The following ADAMTS18 variants were observed in gnomAD, a reference collection of about 807,000 sequenced individuals.
ADAMTS18 encodes A disintegrin and metalloproteinase with thrombospondin motifs 18.
Under a neutral mutation model 165.9 loss-of-function variants are expected in ADAMTS18, and 157 were observed. The observed-to-expected ratio is 0.95, with a 90% confidence interval of 0.83 to 1.08. The LOEUF (loss-of-function observed/expected upper bound fraction) is 1.08, where lower values mean the gene tolerates loss of function less well. Ranked by LOEUF, ADAMTS18 falls within the 50% of genes least tolerant of loss-of-function variation. The pLI is 0.00. For missense variants in ADAMTS18, 2,040 were observed against 1,534.0 expected (o/e 1.33, Z -5.51); for synonymous variants, 782 against 578.2 (o/e 1.35, Z -5.06).
chr16:77,324,117 G>A (rs567439316), intron 13 of ADAMTS18, among the ~76,000 whole-genome samples: 1 of 152,198 alleles, frequency 6.6e-6, no homozygotes, highest in East Asian at 1.9e-4. Context: ...AAGATGTAAT[G>A]TGATAAAGGC....
chr16:77,419,095 G>A (rs988902172), intron 3 of ADAMTS18, among the ~76,000 whole-genome samples: 1 of 152,156 alleles, frequency 6.6e-6, no homozygotes, highest in South Asian at 2.1e-4. Flanking sequence ...ACTGCAGTGA[G>A]CCAAGATCAT....
chr16:77,392,868 C>T (rs899219784), intron 3 of ADAMTS18, among the ~76,000 whole-genome samples: 4 of 152,114 alleles, frequency 2.6e-5, no homozygotes, highest in Admixed American at 6.5e-5. Context: ...AATGAGAAGG[C>T]GTAAATGGCA....
intron 3 of ADAMTS18, among the ~76,000 whole-genome samples, chr16:77,411,939 A>G (rs1439377074): frequency 2.6e-5 from 4 of 151,774 alleles, no homozygotes; most frequent in Non-Finnish European, 5.9e-5. Flanking sequence ...CACCTGCCTT[A>G]GCCTCCCAAA....
rs117138048 is a variant in ADAMTS18 at position 77,395,221 on chromosome 16, T to C, written c.496-27498A>G. ...CAATTAGCAGTTAGTAAATGTGACC[T>C]GAGATGGGGTTGGAAGGTGGGTAGG... On this transcript the variant is annotated intron_variant, in intron 3 of 22. Transcript: ENST00000282849. Among the ~76,000 whole-genome samples the C allele has an allele frequency of 8.7e-4, 132 of 152,250 alleles. 2 individuals carry two copies. The East Asian group carries it at 0.024, about 28-fold the overall frequency.
intron 3 of ADAMTS18, among the ~76,000 whole-genome samples, chr16:77,402,218 A>T (rs1367222050): frequency 6.6e-6 from 1 of 152,222 alleles, no homozygotes; most frequent in Non-Finnish European, 1.5e-5. Flanking sequence ...AACTTTAGTT[A>T]TATAATGAGA....
intron 3 of ADAMTS18, among the ~76,000 whole-genome samples, chr16:77,390,554 G>T (rs1455001389): frequency 6.6e-6 from 1 of 152,128 alleles, no homozygotes; most frequent in African/African-American, 2.4e-5. Context: ...GCCGGGCATG[G>T]TGGCGTGTGC....
At chr16:77,373,468 A>G (rs1304567694) in intron 3 of ADAMTS18, among the ~76,000 whole-genome samples, 3 of 151,352 alleles carry the variant, frequency 2.0e-5, no homozygotes, top group Non-Finnish European at 4.4e-5. Context: ...CAAAAAAGAA[A>G]AAAAAAAAAA....
At chr16:77,292,473 T>C (rs892761519) in intron 20 of ADAMTS18, among the ~76,000 whole-genome samples, 2 of 152,082 alleles carry the variant, frequency 1.3e-5, no homozygotes, top group African/African-American at 4.8e-5. Flanking sequence ...CAAATCCCCT[T>C]TTGCTTTGAT....
chr16:77,434,351 C>A, intron 2 of ADAMTS18, 67 bp downstream of exon 2: 2 of 1,521,262 alleles, frequency 1.3e-6, no homozygotes, highest in African/African-American at 2.7e-5. Context: ...TCTTTTCTCT[C>A]TTTGGGGGAA....
chr16:77,296,757 T>G (rs931733256), intron 18 of ADAMTS18, among the ~76,000 whole-genome samples: 7 of 151,986 alleles, frequency 4.6e-5, no homozygotes, highest in Non-Finnish European at 1.0e-4. Context: ...TAGGCAGAGG[T>G]GGCAGTGAGC....
At chr16:77,332,962 T>C (rs2056214682) in intron 12 of ADAMTS18, among the ~76,000 whole-genome samples, 1 of 152,230 alleles carries the variant, frequency 6.6e-6, no homozygotes, top group Non-Finnish European at 1.5e-5. Flanking sequence ...CGTGTTGATG[T>C]ACATTCCTGC....
At chr16:77,431,890 G>C in intron 2 of ADAMTS18, 2 of 512,992 alleles carry the variant, frequency 3.9e-6, no homozygotes, top group South Asian at 4.4e-5. Context: ...TCATTGTCTG[G>C]AGAGAGATTT....
At chr16:77,310,331 G>A (rs965985545) in intron 16 of ADAMTS18, among the ~76,000 whole-genome samples, 1 of 152,190 alleles carries the variant, frequency 6.6e-6, no homozygotes, top group Non-Finnish European at 1.5e-5. Context: ...ATAACATAGG[G>A]TTTGGGGGTG....
chr16:77,296,387 T>A (rs946315557), intron 18 of ADAMTS18, among the ~76,000 whole-genome samples: 1 of 152,146 alleles, frequency 6.6e-6, no homozygotes, highest in South Asian at 2.1e-4. Context: ...AATTTTGCAT[T>A]TGGGGTTTCA....
rs1427903345 is a variant in ADAMTS18, at chr16:77,283,386, C to G, written c.*570G>C. On this transcript the variant is annotated 3_prime_UTR_variant, in exon 23 of 23. Coordinates refer to ENST00000282849, the MANE Select transcript of ADAMTS18 (RefSeq NM_199355.4). ...TATAGTTTACACAAAATAATAAAGA[C>G]ACACGCACACCAAATAAACATAACA... 6.4e-6 allele frequency: 1 copy of G among 156,290 alleles called. No individual in the cohort carries two copies. The highest frequency in any genetic ancestry group is 2.4e-5 in the African/African-American group (1 of 41,434). 9.7% of individuals were successfully genotyped at this position (156,290 alleles called of 1,614,324 possible).
chr16:77,290,543 C>CAGATAG (rs908733830), intron 21 of ADAMTS18: 1 of 152,546 alleles, frequency 6.6e-6, no homozygotes, highest in African/African-American at 2.4e-5. Context: ...CAGATCCTCC[C>CAGATAG]AGATAGATAA....
At position 77,291,066 on chromosome 16, in the gene ADAMTS18, T is replaced by C. The variant is rs73630455; in HGVS notation, c.3402+200A>G. 734 of 567,540 alleles carry C rather than the reference T, an allele frequency of 1.3e-3. 7 individuals are homozygous for C. The African/African-American group carries it at 0.013, about 10-fold the overall frequency. 35.2% of individuals were successfully genotyped at this position (567,540 alleles called of 1,614,324 possible). ...CAAATCAACTCTCCCAGATAATGAT[T>C]TTCTAGATGTGAAAACTGAGGTTTA... On this transcript the variant is annotated intron_variant, in intron 21 of 22. Transcript: ENST00000282849.
intron 3 of ADAMTS18, among the ~76,000 whole-genome samples, chr16:77,395,101 G>A (rs2057239359): frequency 6.6e-6 from 1 of 152,184 alleles, no homozygotes; most frequent in Non-Finnish European, 1.5e-5. Context: ...GTCTAAGGAA[G>A]GATACAGCAA....
At chr16:77,312,789 A>G (rs2055807798) in intron 16 of ADAMTS18, among the ~76,000 whole-genome samples, 2 of 152,160 alleles carry the variant, frequency 1.3e-5, no homozygotes, top group African/African-American at 4.8e-5. Context: ...AAAAGTCAGG[A>G]AACAACAGGT....
Sources: gnomAD v4.1 joint callset for allele counts (sites outside exome capture counted in the v4.1 genomes callset) on GRCh38, gnomAD v4.1.1 for gene constraint, MANE v1.5 for transcripts, NCBI Gene and HGNC (gene_info 2026-07-23, HGNC 2026-07-21) for gene names.